The following TMEM132E variants were observed in gnomAD, a reference collection of about 807,000 sequenced individuals.
TMEM132E encodes the protein transmembrane protein 132E.
TMEM132E carries 49 observed loss-of-function variants against 78.5 expected under a neutral mutation model. The observed-to-expected ratio is 0.62, with a 90% CI of 0.50 to 0.79. The LOEUF (loss-of-function observed/expected upper bound fraction) is 0.79, where lower values mean the gene tolerates loss of function less well. Among genes scored for constraint, TMEM132E ranks in the 30% least tolerant of loss-of-function variants. The probability of loss-of-function intolerance (pLI) is 0.00; values close to 1 mark genes in which losing one functional copy is unlikely to be tolerated. For missense variants in TMEM132E, 1,403 were observed against 1,470.9 expected, an observed-to-expected ratio of 0.95 and a Z score of 0.75; for synonymous variants, 715 against 670.6, an observed-to-expected ratio of 1.07 and a Z score of -1.02.
chr17:34,583,025 A>G (rs1388015777), intron 1 of TMEM132E, among the ~76,000 whole-genome samples: 1 of 152,198 alleles, frequency 6.6e-6, no homozygotes, highest in Non-Finnish European at 1.5e-5. Flanking sequence ...ACGCAGTTCC[A>G]GCTGGGCCTT....
chr17:34,588,901 G>T (rs574361412), intron 1 of TMEM132E, among the ~76,000 whole-genome samples: 1 of 152,198 alleles, frequency 6.6e-6, no homozygotes, highest in Admixed American at 6.5e-5. Flanking sequence ...CTGCAGGTGT[G>T]CACCACCACA....
intron 1 of TMEM132E, among the ~76,000 whole-genome samples, chr17:34,620,852 T>C (rs950985777): frequency 2.6e-5 from 4 of 152,174 alleles, no homozygotes; most frequent in Non-Finnish European, 2.9e-5. Flanking sequence ...CCCCACATCC[T>C]CCCACATGCA....
At chr17:34,596,750 A>C (rs886711358) in intron 1 of TMEM132E, among the ~76,000 whole-genome samples, 1 of 151,432 alleles carries the variant, frequency 6.6e-6, no homozygotes, top group African/African-American at 2.4e-5. Context: ...TGCAAAGCTG[A>C]TCAGCATAAA....
chr17:34,622,854 G>A (rs1260639801), intron 1 of TMEM132E, among the ~76,000 whole-genome samples: 1 of 152,186 alleles, frequency 6.6e-6, no homozygotes, highest in African/African-American at 2.4e-5. Flanking sequence ...ATAATATAGA[G>A]GTAAGTGGCG....
intron 3 of TMEM132E, 144 bp from the exon 4 acceptor site, chr17:34,628,868 C>A: frequency 7.3e-7 from 1 of 1,363,286 alleles, no homozygotes; most frequent in Non-Finnish European, 9.8e-7. Flanking sequence ...GGGGCTGGAG[C>A]ACCTCAGATG....
chr17:34,631,361 A>C (rs569327176), intron 5 of TMEM132E, among the ~76,000 whole-genome samples: 10 of 152,274 alleles, frequency 6.6e-5, no homozygotes, highest in African/African-American at 1.9e-4. Context: ...CCACTGCTGG[A>C]AGACTGGGAT....
intron 1 of TMEM132E, among the ~76,000 whole-genome samples, chr17:34,599,352 C>T (rs2142058450): frequency 6.6e-6 from 1 of 152,350 alleles, no homozygotes; most frequent in South Asian, 2.1e-4. Context: ...GCCATAAGCG[C>T]AGTTGCACCA....
chr17:34,609,109 T>A (rs2142065286), intron 1 of TMEM132E, among the ~76,000 whole-genome samples: 1 of 152,176 alleles, frequency 6.6e-6, no homozygotes, highest in African/African-American at 2.4e-5. Flanking sequence ...TTTTGTAAAA[T>A]GGGGGTGAAT....
At chr17:34,635,830 C>T (rs567565864) in intron 7 of TMEM132E, 177 bp from the exon 8 acceptor site, 7 of 520,238 alleles carry the variant, frequency 1.3e-5, no homozygotes, top group African/African-American at 1.2e-4. Context: ...CTCATGACCT[C>T]TGGACACTGG....
At chr17:34,636,867 G>A (rs1174083681) in intron 8 of TMEM132E, among the ~76,000 whole-genome samples, 1 of 152,202 alleles carries the variant, frequency 6.6e-6, no homozygotes, top group Non-Finnish European at 1.5e-5. Context: ...ACTTGAATTA[G>A]ACCCAAGGCA....
At chr17:34,593,360 C>T (rs1402434352) in intron 1 of TMEM132E, among the ~76,000 whole-genome samples, 6 of 152,194 alleles carry the variant, frequency 3.9e-5, no homozygotes, top group Non-Finnish European at 5.9e-5. Flanking sequence ...ATCCCCTGTG[C>T]GTTCTGCCTT....
chr17:34,616,733 A>T (rs1293397287), intron 1 of TMEM132E, among the ~76,000 whole-genome samples: 1 of 152,034 alleles, frequency 6.6e-6, no homozygotes, highest in Non-Finnish European at 1.5e-5. Flanking sequence ...TGGGGTGGAC[A>T]TCTCCCTCAG....
intron 1 of TMEM132E, among the ~76,000 whole-genome samples, chr17:34,596,853 CAAAAAA>C (rs35038070): frequency 2.8e-5 from 2 of 72,366 alleles, no homozygotes; most frequent in Admixed American, 1.6e-4. Context: ...CTAAGTAGCT[CAAAAAA>C]AAAAAAAAAA....
chr17:34,625,376 C>A (rs920112642), intron 1 of TMEM132E, among the ~76,000 whole-genome samples: 4 of 152,104 alleles, frequency 2.6e-5, no homozygotes, highest in African/African-American at 9.7e-5. Context: ...AGCTGGATCC[C>A]TGGGGACCCT....
chr17:34,613,211 A>ACACGCGCGCT lies in TMEM132E; in HGVS notation c.68-12915_68-12914insACGCGCGCTC. Among the ~76,000 whole-genome samples, 3 of 115,856 alleles carry ACACGCGCGCT rather than the reference A, an allele frequency of 2.6e-5. No homozygotes were observed. In the East Asian group the frequency reaches 1.0e-3, roughly 39 times the overall value. The allele number at this position is 115,856 out of a possible 152,430, so 76.0% of individuals were successfully genotyped here. Reference sequence around the variant, plus strand: ...CACACACACACCCACACACACACACACGCGCGCGCGCGCGCGTTCTTACAT... The same window carrying ACACGCGCGCT: ...CACACACACACCCACACACACACACACACGCGCGCTCGCGCGCGCGCGCGCGTTCTTACAT... On this transcript the variant is annotated intron_variant, in intron 1 of 8. Transcript: ENST00000631683.
Position 34,626,372 on chromosome 17 carries a change from C to T in TMEM132E, c.313C>T (p.Arg105Trp), listed in dbSNP as rs1391319195. The change falls in exon 2 of 9, where the codon CGG (arginine) becomes TGG (tryptophan). Residue 105 changes from arginine to tryptophan, a missense_variant. Coordinates refer to ENST00000631683, the MANE Select transcript of TMEM132E (RefSeq NM_001304438.2). Reference sequence around the variant, plus strand: ...CTTCAGCACCAGCCAGGTGGTGGCGCGGGAGCTCCTGCAGCCGTCCAGCAC... The same window carrying T: ...CTTCAGCACCAGCCAGGTGGTGGCGTGGGAGCTCCTGCAGCCGTCCAGCAC... ...GPFSTSQVVA[R>W]ELLQPSSTLD... 6.2e-7 allele frequency: 1 copy of T among 1,613,300 alleles called. No individual in the cohort carries two copies. Among genetic ancestry groups the T allele is most frequent in the Admixed American group, 1.7e-5 (1 of 59,994 alleles).
At position 34,637,452 on chromosome 17, in the gene TMEM132E, G is replaced by A. The variant is rs146508723; in HGVS notation, c.2445G>A (p.Arg815=). 56 of 1,613,414 alleles carry A rather than the reference G, an allele frequency of 3.5e-5. 2 individuals are homozygous for A. In the African/African-American group the frequency reaches 6.7e-4, roughly 19 times the overall value. Reference sequence around the variant, plus strand: ...TGGGCCTGCGGGTGCACTTTGGGAGGGACGAGGAGGACCCCACTTATGACT... The same window carrying A: ...TGGGCCTGCGGGTGCACTTTGGGAGAGACGAGGAGGACCCCACTTATGACT... ...TPVGLRVHFG[R]DEEDPTYDYP... is the part of the protein sequence containing the mutation. The change falls in exon 9 of 9, where the codon AGG becomes AGA. Residue 815 remains arginine (R), a synonymous_variant. Coordinates refer to ENST00000631683, the MANE Select transcript of TMEM132E (RefSeq NM_001304438.2).
intron 1 of TMEM132E, among the ~76,000 whole-genome samples, chr17:34,608,476 T>C (rs2142064858): frequency 6.6e-6 from 1 of 152,348 alleles, no homozygotes; most frequent in East Asian, 1.9e-4. Flanking sequence ...ACTCGGCACA[T>C]GCAAGAACCC....
chr17:34,596,449 C>CTTT (rs1265273045), intron 1 of TMEM132E, among the ~76,000 whole-genome samples: 4 of 152,172 alleles, frequency 2.6e-5, no homozygotes, highest in Admixed American at 1.3e-4. Context: ...CCCTAATCCT[C>CTTT]TAGGCCTCCA....
Sources: gnomAD v4.1 joint callset for allele counts (sites outside exome capture counted in the v4.1 genomes callset) on GRCh38, gnomAD v4.1.1 for gene constraint, MANE v1.5 for transcripts, NCBI Gene and HGNC (gene_info 2026-07-23, HGNC 2026-07-21) for gene names.